The following PRKD1 variants were observed in gnomAD, a reference collection of about 807,000 sequenced individuals.
The protein encoded by PRKD1 is protein kinase D1.
In PRKD1, 63 loss-of-function variants were observed where a neutral mutation model predicts 95.9. That is an observed-to-expected ratio of 0.66 (90% CI 0.54 to 0.81). PRKD1 has a LOEUF of 0.81. PRKD1 is among the 30% of genes least tolerant of loss of function. The pLI, the probability that PRKD1 is intolerant of heterozygous loss-of-function variation, is 0.00. For missense variants in PRKD1, 1,048 were observed against 1,165.3 expected, an observed-to-expected ratio of 0.90 and a Z score of 1.47; for synonymous variants, 425 against 423.1, an observed-to-expected ratio of 1.00 and a Z score of -0.05.
intron 2 of PRKD1, among the ~76,000 whole-genome samples, chr14:29,677,699 C>T (rs1263725322): frequency 1.3e-5 from 2 of 152,274 alleles, no homozygotes; most frequent in South Asian, 2.1e-4. Context: ...CTCAGACTCC[C>T]GAATAGCTGG....
chr14:29,623,634 T>A (rs1203561838), intron 13 of PRKD1, among the ~76,000 whole-genome samples: 1 of 152,146 alleles, frequency 6.6e-6, no homozygotes, highest in Non-Finnish European at 1.5e-5. Context: ...AAATTCTGGT[T>A]TGAAAAAGGG....
intron 1 of PRKD1, among the ~76,000 whole-genome samples, chr14:29,920,678 T>A (rs1173047765): frequency 6.6e-6 from 1 of 151,218 alleles, no homozygotes; most frequent in Non-Finnish European, 1.5e-5. Context: ...TTATAAATAA[T>A]TAAAGATTGT....
chr14:29,614,873 T>G (rs12878602), intron 13 of PRKD1, among the ~76,000 whole-genome samples: 22 of 78,906 alleles, frequency 2.8e-4, no homozygotes, highest in Non-Finnish European at 2.4e-4. Flanking sequence ...TTTTTTTTTT[T>G]TTTTTTTTTT....
At chr14:29,677,064 T>C (rs1883270639) in intron 2 of PRKD1, among the ~76,000 whole-genome samples, 1 of 152,194 alleles carries the variant, frequency 6.6e-6, no homozygotes, top group Non-Finnish European at 1.5e-5. Context: ...ACCCCACTGC[T>C]CTAAAGAGAG....
chr14:29,587,052 C>CT (rs1356706035), intron 16 of PRKD1, among the ~76,000 whole-genome samples: 11 of 152,142 alleles, frequency 7.2e-5, no homozygotes, highest in Non-Finnish European at 1.5e-4. Context: ...AAAAAACTGA[C>CT]TTGTGCAGGA....
chr14:29,823,514 AT>A (rs1258245353), intron 1 of PRKD1, among the ~76,000 whole-genome samples: 2 of 152,182 alleles, frequency 1.3e-5, no homozygotes, highest in Admixed American at 1.3e-4. Flanking sequence ...ACCCCATTGA[AT>A]TGATAGCTCT....
rs45461700 is a variant in PRKD1 at position 29,868,027 on chromosome 14, G to A, written c.264+59222C>T. 6.8e-3 allele frequency among the ~76,000 whole-genome samples: 1,032 copies of A among 152,268 alleles called. 6 individuals carry two copies. Among genetic ancestry groups the A allele is most frequent in the Non-Finnish European group, 0.01 (705 of 68,012 alleles). Reference sequence around the variant, plus strand: ...TATAGGCTTTCCATATTCCAAAACAGCTTAACAGAATAGGGATCTTATTTA... The same window carrying A: ...TATAGGCTTTCCATATTCCAAAACAACTTAACAGAATAGGGATCTTATTTA... On this transcript the variant is annotated intron_variant, in intron 1 of 17. Transcript: ENST00000331968.
At chr14:29,826,844 C>CATATATATATATATATAT (rs1228527833) in intron 1 of PRKD1, among the ~76,000 whole-genome samples, 5 of 28,668 alleles carry the variant, frequency 1.7e-4, no homozygotes, top group East Asian at 1.2e-3. Flanking sequence ...TATATACACA[C>CATATATATATATATATAT]ATATATATAT....
chr14:29,873,399 T>C lies in PRKD1; in HGVS notation c.264+53850A>G, dbSNP rs545640257. Among the ~76,000 whole-genome samples the C allele has an allele frequency of 3.9e-5, 6 of 152,280 alleles. No individual in the cohort carries two copies. In the South Asian group the frequency reaches 1.0e-3, roughly 26 times the overall value. ...ACTGCGCCCAGCCATACTACTTTTATAATTTCAGGCACTCTCTCAAGGACA... is the reference window on the plus strand; with the variant it reads ...ACTGCGCCCAGCCATACTACTTTTACAATTTCAGGCACTCTCTCAAGGACA... On this transcript the variant is annotated intron_variant, in intron 1 of 17. Coordinates refer to ENST00000331968, the MANE Select transcript of PRKD1 (RefSeq NM_002742.3).
intron 1 of PRKD1, among the ~76,000 whole-genome samples, chr14:29,842,272 A>G (rs530869972): frequency 7.9e-5 from 12 of 152,340 alleles, no homozygotes; most frequent in Admixed American, 5.9e-4. Context: ...TCAGCAATAT[A>G]CTAGTTTATT....
At chr14:29,760,277 A>G (rs1405620342) in intron 1 of PRKD1, among the ~76,000 whole-genome samples, 3 of 151,918 alleles carry the variant, frequency 2.0e-5, no homozygotes, top group African/African-American at 7.3e-5. Flanking sequence ...CCACTGGTTC[A>G]TTAAAACAGC....
intron 1 of PRKD1, among the ~76,000 whole-genome samples, chr14:29,878,563 T>C (rs546790062): frequency 4.6e-5 from 7 of 152,166 alleles, no homozygotes; most frequent in Non-Finnish European, 8.8e-5. Flanking sequence ...GAAGGGAGTA[T>C]TATTCAACCA....
At chr14:29,780,841 T>C (rs1229721009) in intron 1 of PRKD1, among the ~76,000 whole-genome samples, 1 of 152,086 alleles carries the variant, frequency 6.6e-6, no homozygotes, top group Non-Finnish European at 1.5e-5. Context: ...CATGCACACG[T>C]ACGTTTATTC....
chr14:29,882,433 TA>T (rs1458914356), intron 1 of PRKD1, among the ~76,000 whole-genome samples: 2 of 152,230 alleles, frequency 1.3e-5, no homozygotes, highest in African/African-American at 4.8e-5. Flanking sequence ...CAATTATGGC[TA>T]AAAATAAATA....
intron 1 of PRKD1, among the ~76,000 whole-genome samples, chr14:29,841,223 T>C (rs888480422): frequency 4.6e-5 from 7 of 152,222 alleles, no homozygotes; most frequent in Non-Finnish European, 8.8e-5. Flanking sequence ...AATATGCTTG[T>C]CTCAGATGAG....
intron 1 of PRKD1, among the ~76,000 whole-genome samples, chr14:29,825,038 G>A (rs781519205): frequency 9.9e-5 from 15 of 151,904 alleles, no homozygotes; most frequent in South Asian, 2.1e-4. Flanking sequence ...GAATATCCAC[G>A]CTTCAAATTT....
intron 1 of PRKD1, among the ~76,000 whole-genome samples, chr14:29,874,354 G>A (rs1893213151): frequency 6.6e-6 from 1 of 152,152 alleles, no homozygotes; most frequent in Non-Finnish European, 1.5e-5. Flanking sequence ...AAAGCAAAGG[G>A]AACTCTTATA....
At chr14:29,790,607 C>T (rs1889500988) in intron 1 of PRKD1, among the ~76,000 whole-genome samples, 1 of 152,088 alleles carries the variant, frequency 6.6e-6, no homozygotes, top group East Asian at 1.9e-4. Context: ...GCTCATATTT[C>T]TGTAAAGTTT....
intron 1 of PRKD1, among the ~76,000 whole-genome samples, chr14:29,924,826 T>C (rs951833766): frequency 6.6e-6 from 1 of 152,158 alleles, no homozygotes; most frequent in African/African-American, 2.4e-5. Context: ...ACTGACACTC[T>C]GCCATTCCTA....
Sources: gnomAD v4.1 joint callset for allele counts (sites outside exome capture counted in the v4.1 genomes callset) on GRCh38, gnomAD v4.1.1 for gene constraint, MANE v1.5 for transcripts, NCBI Gene and HGNC (gene_info 2026-07-23, HGNC 2026-07-21) for gene names.